The following B9D2 variants were observed in gnomAD, a reference collection of about 807,000 sequenced individuals.
B9D2 encodes B9 domain-containing protein 2.
Under a neutral mutation model 19.2 loss-of-function variants are expected in B9D2, and 21 were observed. The observed-to-expected ratio is 1.09, with a 90% CI of 0.78 to 1.58. The LOEUF is 1.58. B9D2 is among the 40% of genes most tolerant of loss of function. The pLI is 0.00. For missense variants in B9D2, 221 were observed against 244.3 expected (o/e 0.90, Z 0.64); for synonymous variants, 91 against 100.6 (o/e 0.90, Z 0.57).
At chr19:41,356,598 C>A (rs947119212) in intron 3 of B9D2, among the ~76,000 whole-genome samples, 1 of 151,856 alleles carries the variant, frequency 6.6e-6, no homozygotes, top group Non-Finnish European at 1.5e-5. Flanking sequence ...AATCCCAGCA[C>A]TTTGGGAGGC....
chr19:41,363,151 C>G, intron 2 of B9D2: 1 of 459,588 alleles, frequency 2.2e-6, no homozygotes, highest in Admixed American at 3.5e-5. Context: ...GAGGCTGAGG[C>G]GGGAGGATCA....
intron 3 of B9D2, among the ~76,000 whole-genome samples, chr19:41,356,135 G>A (rs1171110740): frequency 6.6e-6 from 1 of 152,152 alleles, no homozygotes; most frequent in Non-Finnish European, 1.5e-5. Flanking sequence ...CTTTCACCCT[G>A]AGTGAGATGG....
intron 1 of B9D2, 100 bp from the exon 2 acceptor site, chr19:41,363,623 G>A (rs1235861490): frequency 2.7e-6 from 3 of 1,093,078 alleles, no homozygotes; most frequent in African/African-American, 3.1e-5. Flanking sequence ...GGTAGTACTA[G>A]GATTCCAAGC....
intron 3 of B9D2, 148 bp downstream of exon 3, chr19:41,357,749 C>T (rs901887502): frequency 1.2e-5 from 15 of 1,212,346 alleles, no homozygotes; most frequent in Admixed American, 1.9e-5. Flanking sequence ...GGCCTTAGCT[C>T]AGCCTCTCCA....
chr19:41,355,597 G>T (rs184551012), intron 3 of B9D2, among the ~76,000 whole-genome samples: 1 of 152,282 alleles, frequency 6.6e-6, no homozygotes, highest in African/African-American at 2.4e-5. Flanking sequence ...AAAGCCCTTG[G>T]AGATCCAGCC....
At chr19:41,360,189 G>T (rs1047923369) in intron 2 of B9D2, among the ~76,000 whole-genome samples, 3 of 151,738 alleles carry the variant, frequency 2.0e-5, no homozygotes, top group African/African-American at 7.3e-5. Context: ...TTGGGGGGGT[G>T]GGGGGAGACA....
At chr19:41,358,924 C>T (rs2038359559) in intron 2 of B9D2, among the ~76,000 whole-genome samples, 1 of 152,024 alleles carries the variant, frequency 6.6e-6, no homozygotes, top group South Asian at 2.1e-4. Context: ...GGGGGTGGAT[C>T]ATCTAAGGTC....
At chr19:41,363,909 A>C in intron 1 of B9D2, 49 bp downstream of exon 1, 1 of 432,196 alleles carries the variant, frequency 2.3e-6, no homozygotes, top group Admixed American at 3.9e-5. Context: ...TTATGAGTTC[A>C]GGTCCGACTT....
intron 2 of B9D2, chr19:41,363,040 T>TTCGAGA (rs149039336): frequency 0.074 from 18,384 of 248,916 alleles, 838 homozygotes; most frequent in African/African-American, 0.14. Context: ...AGCGCAGGAG[T>TTCGAGA]TCGAGACCAG....
In B9D2 at chr19:41,363,958, C is replaced by G. The variant is rs548005473; in HGVS notation, c.-5G>C. On this transcript the variant is annotated splice_region_variant and 5_prime_UTR_variant, in exon 1 of 4. Coordinates refer to ENST00000243578, the MANE Select transcript of B9D2 (RefSeq NM_030578.4). ...AGCGCAGCGCATGCGTCATTCCTAC[C>G]TTAGCGCACTTAACGGTTAGGAGAG... 6.6e-6 allele frequency: 2 copies of G among 304,232 alleles called. No individual in the cohort carries two copies. The highest frequency in any genetic ancestry group is 4.4e-5 in the African/African-American group (2 of 45,890). 18.8% of individuals were successfully genotyped at this position (304,232 alleles called of 1,614,324 possible). A position where few individuals can be genotyped will look rare whatever the true frequency, so the allele number is the denominator to read the frequency against.
Position 41,357,825 on chromosome 19 carries a change from C to T in B9D2, c.214+72G>A. On this transcript the variant is annotated intron_variant, in intron 3 of 3. Coordinates refer to ENST00000243578, the MANE Select transcript of B9D2 (RefSeq NM_030578.4). The stretch of plus-strand genomic sequence containing the variant: ...GAGCAGGGACAGGTCTTGGTGTTCC[C>T]AGCCCCAGGGACCTCAGAGGCTACT... 1.9e-6 allele frequency: 3 copies of T among 1,595,350 alleles called. No homozygotes were observed. In the African/African-American group the frequency reaches 4.0e-5, roughly 21 times the overall value.
intron 3 of B9D2, 93 bp downstream of exon 3, chr19:41,357,804 A>G (rs1599905682): frequency 5.8e-6 from 9 of 1,556,948 alleles, no homozygotes; most frequent in Admixed American, 3.4e-5. Context: ...TATGGGGAGC[A>G]GGGACAGGTC....
At chr19:41,363,886 T>G (rs1411337388) in intron 1 of B9D2, 72 bp downstream of exon 1, 1 of 492,166 alleles carries the variant, frequency 2.0e-6, no homozygotes, top group Non-Finnish European at 3.7e-6. Flanking sequence ...GCAAGCTCCA[T>G]AAGGCGCATG....
intron 2 of B9D2, among the ~76,000 whole-genome samples, chr19:41,362,437 G>T (rs1262505247): frequency 6.7e-6 from 1 of 150,026 alleles, no homozygotes; most frequent in Non-Finnish European, 1.5e-5. Flanking sequence ...ATGCCAAATG[G>T]CCACATCTGT....
chr19:41,359,571 C>T (rs945039366), intron 2 of B9D2, among the ~76,000 whole-genome samples: 2 of 151,988 alleles, frequency 1.3e-5, no homozygotes, highest in Non-Finnish European at 2.9e-5. Flanking sequence ...GGTGTGGTGG[C>T]GCACGCCCAT....
In B9D2 at chr19:41,354,775, T is replaced by C; in HGVS notation, c.453A>G (p.Thr151=). 6.2e-7 allele frequency: 1 copy of C among 1,614,048 alleles called. No homozygotes were observed. The highest frequency in any genetic ancestry group is 8.5e-7 in the Non-Finnish European group (1 of 1,180,020). Residue 151 remains threonine (T), a synonymous_variant, in exon 4 of 4, where the codon ACA becomes ACG. Coordinates refer to ENST00000243578, the MANE Select transcript of B9D2 (RefSeq NM_030578.4). ...YSGADRYRLH[T]AAGGTVHLEI... is the part of the protein sequence containing the mutation. ...CCAGGTGCACGGTGCCACCAGCAGCTGTGTGCAGGCGATAGCGGTCGGCCC... is the reference window on the plus strand; with the variant it reads ...CCAGGTGCACGGTGCCACCAGCAGCCGTGTGCAGGCGATAGCGGTCGGCCC...
At chr19:41,355,294 T>C (rs1184266930) in intron 3 of B9D2, among the ~76,000 whole-genome samples, 1 of 152,134 alleles carries the variant, frequency 6.6e-6, no homozygotes, top group Non-Finnish European at 1.5e-5. Context: ...TCTTCAACAT[T>C]CAAGGCCCTT....
At chr19:41,359,104 G>A (rs1003373424) in intron 2 of B9D2, among the ~76,000 whole-genome samples, 3 of 152,050 alleles carry the variant, frequency 2.0e-5, no homozygotes, top group Non-Finnish European at 4.4e-5. Flanking sequence ...CTGCACTCCA[G>A]CTGGTGTGAC....
Position 41,357,939 on chromosome 19 carries a change from A to C in B9D2, c.172T>G (p.Ser58Ala). 1 of 1,613,980 alleles carries C rather than the reference A, an allele frequency of 6.2e-7. No individual in the cohort carries two copies. The highest frequency in any genetic ancestry group is 1.1e-5 in the South Asian group (1 of 91,076). ...TPQIGDMAYW[S>A]HPIDLHFATK... ...GCGAAGTGCAGGTCGATGGGGTGGG[A>C]CCAGTAAGCCATGTCCCCTATCTGC... Residue 58 changes from serine to alanine, a missense_variant, in exon 3 of 4, where the codon TCC (serine) becomes GCC (alanine). Coordinates refer to ENST00000243578, the MANE Select transcript of B9D2 (RefSeq NM_030578.4).
Sources: gnomAD v4.1 joint callset for allele counts (sites outside exome capture counted in the v4.1 genomes callset) on GRCh38, gnomAD v4.1.1 for gene constraint, MANE v1.5 for transcripts, NCBI Gene and HGNC (gene_info 2026-07-23, HGNC 2026-07-21) for gene names.